The following TMEM67 variants were observed in gnomAD, a reference collection of about 807,000 sequenced individuals.
The protein encoded by TMEM67 is meckelin.
Under a neutral mutation model 136.6 loss-of-function variants are expected in TMEM67, and 124 were observed. The observed-to-expected ratio is 0.91, with a 90% CI of 0.78 to 1.05. TMEM67 has a LOEUF of 1.05. TMEM67 is among the 50% of genes least tolerant of loss of function. The probability of loss-of-function intolerance (pLI) is 0.00; values close to 1 mark genes in which losing one functional copy is unlikely to be tolerated. For missense variants in TMEM67, 1,107 were observed against 1,178.4 expected, an observed-to-expected ratio of 0.94 and a Z score of 0.89; for synonymous variants, 364 against 390.5, an observed-to-expected ratio of 0.93 and a Z score of 0.80.
intron 10 of TMEM67, 42 bp from the exon 11 acceptor site, chr8:93,782,353 A>G (rs1367457283): frequency 6.6e-7 from 1 of 1,514,046 alleles, no homozygotes; most frequent in African/African-American, 1.4e-5. Flanking sequence ...ATAAGAATAG[A>G]AAACATTTGT....
In TMEM67 at chr8:93,780,600, C is replaced by A; in HGVS notation, c.722C>A (p.Ala241Asp). 6.2e-7 allele frequency: 1 copy of A among 1,614,036 alleles called. No homozygotes were observed. The highest frequency in any genetic ancestry group is 1.1e-5 in the South Asian group (1 of 91,082). The change falls in exon 8 of 28, where the codon GCC becomes GAC. Residue 241 changes from alanine to aspartate, a missense_variant. Coordinates refer to ENST00000453321, the MANE Select transcript of TMEM67 (RefSeq NM_153704.6). Reference sequence around the variant, plus strand: ...GCCATTGTTCTGTTGTAGGTATATGCCAATCTAACATCTTGTCAAGCTCTT... The same window carrying A: ...GCCATTGTTCTGTTGTAGGTATATGACAATCTAACATCTTGTCAAGCTCTT... ...QSSAAACWVY[A>D]NLTSCQALGN...
intron 6 of TMEM67, among the ~76,000 whole-genome samples, chr8:93,768,644 A>C (rs1012277565): frequency 2.0e-5 from 3 of 152,062 alleles, no homozygotes; most frequent in Non-Finnish European, 4.4e-5. Flanking sequence ...GCTCATACTG[A>C]TCCCTTTAAT....
chr8:93,799,735 T>C lies in TMEM67; in HGVS notation c.2218T>C (p.Trp740Arg). Residue 740 changes from tryptophan (W) to arginine (R), a missense_variant, in exon 21 of 28, where the codon TGG becomes CGG. Trp to Arg is a moderately radical substitution (Grantham distance 101, BLOSUM62 -3). Coordinates refer to ENST00000453321, the MANE Select transcript of TMEM67 (RefSeq NM_153704.6). ...GAGATATGCAGTGTCTGCTGCTCTTTGGCTAGCCATTGGAATTATACAGGT... is the reference window on the plus strand; with the variant it reads ...GAGATATGCAGTGTCTGCTGCTCTTCGGCTAGCCATTGGAATTATACAGGT... ...ILRYAVSAALWLAIGIIQVVF... is the reference protein window; with the variant it reads ...ILRYAVSAALRLAIGIIQVVF... 2 of 1,613,928 alleles carry C rather than the reference T, an allele frequency of 1.2e-6. No individual in the cohort carries two copies. Among genetic ancestry groups the C allele is most frequent in the Non-Finnish European group, 1.7e-6 (2 of 1,179,902 alleles).
At position 93,758,509 on chromosome 8, in the gene TMEM67, C is replaced by A; in HGVS notation, c.339C>A (p.Asn113Lys). 6.2e-7 allele frequency: 1 copy of A among 1,613,818 alleles called. No individual in the cohort carries two copies. The highest frequency in any genetic ancestry group is 1.3e-5 in the African/African-American group (1 of 75,030). ...NMKGVTEDGW[N>K]CISCPSDLTA... ...AAGGTGTTACAGAAGATGGCTGGAA[C>A]TGCATTTCTTGCCCTAGTGACTTAA... Residue 113 changes from asparagine (N) to lysine (K), a missense_variant, in exon 3 of 28, where the codon AAC (asparagine) becomes AAA (lysine). Around this residue, in one of 3 missense-constraint regions of TMEM67, gnomAD observed 178 missense variants for 159.2 expected, o/e 1.12. Coordinates refer to ENST00000453321, the MANE Select transcript of TMEM67 (RefSeq NM_153704.6).
At chr8:93,808,506 GAATATATAT>G (rs1808546133) in intron 23 of TMEM67, among the ~76,000 whole-genome samples, 3 of 14,856 alleles carry the variant, frequency 2.0e-4, no homozygotes, top group Non-Finnish European at 4.1e-4. Flanking sequence ...TATTATAGAT[GAATATATAT>G]ATTTATAATC....
chr8:93,757,249 A>G (rs1812616638), intron 2 of TMEM67: 1 of 152,142 alleles, frequency 6.6e-6, no homozygotes, highest in Admixed American at 6.6e-5. Flanking sequence ...CTTTGGTTAC[A>G]TCTGTGTTTG....
Position 93,764,077 on chromosome 8 carries a change from A to G in TMEM67, c.506+136A>G, listed in dbSNP as rs1812970879. 5 of 705,314 alleles carry G rather than the reference A, an allele frequency of 7.1e-6. No homozygotes were observed. The Admixed American group carries it at 9.2e-5, about 13-fold the overall frequency. The allele number at this position is 705,314 out of a possible 1,614,324, so 43.7% of individuals were successfully genotyped here. On this transcript the variant is annotated intron_variant, in intron 4 of 27. Transcript: ENST00000453321. ...AGGAAGGATAGAAGTAGACATTAAC[A>G]GATACAGAAGCTGAGGCCCAGAGCG...
intron 2 of TMEM67, chr8:93,757,242 T>C (rs1388137151): frequency 6.6e-6 from 1 of 152,164 alleles, no homozygotes; most frequent in East Asian, 1.9e-4. Flanking sequence ...TTATAAACTT[T>C]GGTTACATCT....
chr8:93,831,822 G>A, the TMEM67 span, among the ~76,000 whole-genome samples: 1 of 151,744 alleles, frequency 6.6e-6, no homozygotes, highest in African/African-American at 2.4e-5. Flanking sequence ...CTGAATTCCT[G>A]TTTCTCTTGC....
intron 16 of TMEM67, among the ~76,000 whole-genome samples, 193 bp downstream of exon 16, chr8:93,793,489 A>G (rs907439506): frequency 1.3e-5 from 2 of 152,186 alleles, no homozygotes; most frequent in Non-Finnish European, 2.9e-5. Context: ...ATGCCAGTCT[A>G]TATTCCCACC....
At chr8:93,831,568 A>G in the TMEM67 span, among the ~76,000 whole-genome samples, 1 of 152,180 alleles carries the variant, frequency 6.6e-6, no homozygotes, top group African/African-American at 2.4e-5. Context: ...TATCCAAGTG[A>G]ACTGGTGAGT....
chr8:93,763,966 T>C, intron 4 of TMEM67, 25 bp downstream of exon 4: 1 of 1,331,584 alleles, frequency 7.5e-7, no homozygotes, highest in Non-Finnish European at 1.1e-6. Context: ...GGGGGCTAAC[T>C]TCATTAATAT....
At chr8:93,761,797 G>A (rs1305685993) in intron 3 of TMEM67, among the ~76,000 whole-genome samples, 3 of 152,006 alleles carry the variant, frequency 2.0e-5, no homozygotes, top group East Asian at 3.9e-4. Context: ...TTATGTACTT[G>A]GTATTCCACT....
chr8:93,782,529 A>G lies in TMEM67; in HGVS notation c.1131+69A>G. ...AAAATATCATGTCAGCAGTAATTGG[A>G]ATAATACTTAAATTTTTGAGATTGG... is the stretch of plus-strand genomic sequence containing the variant. On this transcript the variant is annotated intron_variant, in intron 11 of 27. Transcript: ENST00000453321. The G allele has an allele frequency of 2.5e-6, 3 of 1,192,050 alleles. No individual in the cohort carries two copies. The South Asian group carries it at 4.0e-5, about 16-fold the overall frequency. The allele number at this position is 1,192,050 out of a possible 1,614,324, so 73.8% of individuals were successfully genotyped here.
In TMEM67 at chr8:93,799,746, TGGAATTATACAGGTAA is replaced by T; in HGVS notation, c.2241+5_2241+20del. 10 of 1,613,570 alleles carry T rather than the reference TGGAATTATACAGGTAA, an allele frequency of 6.2e-6. No homozygotes were observed. The highest frequency in any genetic ancestry group is 4.0e-5 in the African/African-American group (3 of 74,912). On this transcript the variant is annotated splice_donor_variant and splice_donor_region_variant and coding_sequence_variant and intron_variant, in exon 21 of 28. Transcript: ENST00000453321. LOFTEE classifies it high-confidence loss of function. ...TGTCTGCTGCTCTTTGGCTAGCCAT[TGGAATTATACAGGTAA>T]GGAATTATACAGGTAATATTACTTC...
chr8:93,776,081 T>C (rs1358784529), intron 7 of TMEM67, among the ~76,000 whole-genome samples: 5 of 152,216 alleles, frequency 3.3e-5, no homozygotes, highest in Non-Finnish European at 5.9e-5. Flanking sequence ...CCCTTGTAAG[T>C]TGGATTCCTA....
chr8:93,829,436 C>T, the TMEM67 span, among the ~76,000 whole-genome samples: 2 of 151,582 alleles, frequency 1.3e-5, no homozygotes, highest in Non-Finnish European at 2.9e-5. Context: ...CAGCCGTGTT[C>T]ACTTCCCAAG....
At chr8:93,774,115 A>G (rs1050396979) in intron 7 of TMEM67, among the ~76,000 whole-genome samples, 3 of 152,048 alleles carry the variant, frequency 2.0e-5, no homozygotes, top group Admixed American at 6.6e-5. Context: ...CCTGGGCTCA[A>G]GAGATCCTCC....
intron 10 of TMEM67, 107 bp from the exon 11 acceptor site, chr8:93,782,288 T>G: frequency 1.2e-6 from 1 of 804,070 alleles, no homozygotes; most frequent in Non-Finnish European, 2.1e-6. Flanking sequence ...CTTGATACAT[T>G]AAATAAGTAT....
Sources: allele counts gnomAD v4.1 joint callset (sites outside exome capture counted in the v4.1 genomes callset), GRCh38; gene constraint gnomAD v4.1.1; regional missense constraint gnomAD v4.1.1; transcripts MANE v1.5; gene names NCBI Gene and HGNC (gene_info 2026-07-23, HGNC 2026-07-21).